RNF144A: variants seen among roughly 807,000 people sequenced by gnomAD.
The protein encoded by RNF144A is ring finger protein 144A.
A neutral mutation model predicts 38.7 loss-of-function variants in RNF144A; 11 were observed. The observed-to-expected ratio is 0.28, with a 90% CI of 0.18 to 0.47. The LOEUF (loss-of-function observed/expected upper bound fraction) is 0.47, where lower values mean the gene tolerates loss of function less well. Among genes scored for constraint, RNF144A ranks in the 20% least tolerant of loss-of-function variants. The probability of loss-of-function intolerance (pLI) is 0.99; values close to 1 mark genes in which losing one functional copy is unlikely to be tolerated. For synonymous variants in RNF144A, 149 were observed against 143.9 expected (o/e 1.04, Z -0.25); for missense variants, 316 against 377.2 (o/e 0.84, Z 1.34).
chr2:6,996,047 C>T (rs1669715705), intron 2 of RNF144A, among the ~76,000 whole-genome samples: 1 of 152,132 alleles, frequency 6.6e-6, no homozygotes, highest in African/African-American at 2.4e-5. Flanking sequence ...TCTGTGTGAC[C>T]ACAAAGCATA....
chr2:7,014,210 T>C (rs1479925793), intron 3 of RNF144A, among the ~76,000 whole-genome samples: 1 of 152,238 alleles, frequency 6.6e-6, no homozygotes, highest in African/African-American at 2.4e-5. Context: ...TGTGCCGGGA[T>C]CTAACCCATA....
intron 1 of RNF144A, among the ~76,000 whole-genome samples, chr2:6,935,000 T>G (rs1341180860): frequency 6.6e-6 from 1 of 152,252 alleles, no homozygotes; most frequent in Non-Finnish European, 1.5e-5. Flanking sequence ...GTGGATGCTG[T>G]CTGTGCTTCT....
At chr2:7,053,703 T>C (rs1319727260) in intron 6 of RNF144A, among the ~76,000 whole-genome samples, 1 of 152,246 alleles carries the variant, frequency 6.6e-6, no homozygotes, top group Non-Finnish European at 1.5e-5. Flanking sequence ...TTTGTGTATA[T>C]GTATACATTT....
At chr2:7,068,193 G>C (rs1869298) in intron 6 of RNF144A, 1 of 1,209,426 alleles carries the variant, frequency 8.3e-7, no homozygotes, top group South Asian at 1.3e-5. Context: ...ACAAGTATCA[G>C]TGAGTAAGGT....
chr2:6,982,702 C>T (rs906497629), intron 2 of RNF144A, among the ~76,000 whole-genome samples: 8 of 152,140 alleles, frequency 5.3e-5, no homozygotes, highest in Non-Finnish European at 8.8e-5. Flanking sequence ...AGCAATCAGA[C>T]GATTGAGAAA....
In RNF144A at chr2:7,041,403, A is replaced by G; in HGVS notation, c.*1643A>G. On this transcript the variant is annotated 3_prime_UTR_variant, in exon 9 of 9. Coordinates refer to ENST00000320892, the MANE Select transcript of RNF144A (RefSeq NM_014746.6). ...ACCTGTCATGTTGATTTTCCTTATG[A>G]ACCCGAAGCCATTTAGAAAATCCCT... The G allele has an allele frequency of 1.3e-5, 13 of 985,882 alleles. No homozygotes were observed. The highest frequency in any genetic ancestry group is 1.6e-5 in the Non-Finnish European group (13 of 829,942). The allele number at this position is 985,882 out of a possible 1,614,324, so 61.1% of individuals were successfully genotyped here.
chr2:7,068,790 A>G (rs1419765674), downstream of RNF144A, among the ~76,000 whole-genome samples: 1 of 152,194 alleles, frequency 6.6e-6, no homozygotes, highest in Non-Finnish European at 1.5e-5. Context: ...AAGCAAAGTC[A>G]CAGATAATGT....
downstream of RNF144A, among the ~76,000 whole-genome samples, chr2:7,046,394 G>A (rs1438884145): frequency 1.3e-5 from 2 of 152,242 alleles, no homozygotes; most frequent in African/African-American, 2.4e-5. Context: ...GCTATAGCCA[G>A]GGAAGGCTGG....
intron 7 of RNF144A, among the ~76,000 whole-genome samples, chr2:7,025,672 AAAAAAT>A (rs1671841260): frequency 6.6e-6 from 1 of 152,218 alleles, no homozygotes; most frequent in South Asian, 2.1e-4. Flanking sequence ...ACTCCATCTC[AAAAAAT>A]AAAAATAAAT....
chr2:7,069,400 C>T (rs1674369565), downstream of RNF144A, among the ~76,000 whole-genome samples: 1 of 152,224 alleles, frequency 6.6e-6, no homozygotes, highest in African/African-American at 2.4e-5. Context: ...TTCTGCCAGG[C>T]ATTATTTTTC....
At chr2:7,030,772 T>A (rs1672246429) in intron 8 of RNF144A, among the ~76,000 whole-genome samples, 1 of 152,090 alleles carries the variant, frequency 6.6e-6, no homozygotes, top group South Asian at 2.1e-4. Flanking sequence ...GCACTTTATG[T>A]CATGATTACA....
downstream of RNF144A, among the ~76,000 whole-genome samples, chr2:7,047,778 A>C (rs1274184873): frequency 6.6e-6 from 1 of 152,222 alleles, no homozygotes; most frequent in African/African-American, 2.4e-5. Flanking sequence ...CTTCTGAGCC[A>C]GGCATTTGCT....
Position 7,040,295 on chromosome 2 carries a change from A to G in RNF144A, c.*535A>G. 3.0e-6 allele frequency: 3 copies of G among 985,748 alleles called. No individual in the cohort carries two copies. Among genetic ancestry groups the G allele is most frequent in the East Asian group, 1.1e-4 (1 of 8,818 alleles). The allele number at this position is 985,748 out of a possible 1,614,324, so 61.1% of individuals were successfully genotyped here. ...TAGTGAAAATCAACAAGGTGCATAT[A>G]AACCATCCTATGCCTTTCTTGAAAT... On this transcript the variant is annotated 3_prime_UTR_variant, in exon 9 of 9. Transcript: ENST00000320892.
chr2:6,940,069 G>C (rs946795928), intron 1 of RNF144A, among the ~76,000 whole-genome samples: 1 of 152,064 alleles, frequency 6.6e-6, no homozygotes, highest in Admixed American at 6.6e-5. Context: ...TTTAGGATCA[G>C]CTTGTCAATT....
rs763561877 is a variant in RNF144A, at chr2:6,984,379, T to G, written c.-11-12537T>G. Among the ~76,000 whole-genome samples, 2 of 152,076 alleles carry G rather than the reference T, an allele frequency of 1.3e-5. 1 individual carries two copies. The highest frequency in any genetic ancestry group is 4.1e-4 in the South Asian group (2 of 4,828). On this transcript the variant is annotated intron_variant, in intron 2 of 8. Coordinates refer to ENST00000320892, the MANE Select transcript of RNF144A (RefSeq NM_014746.6). Reference sequence around the variant, plus strand: ...GTGCAGTGGTGCAATCTCAGCTCACTGCAACCTCCGCCTCCTGGGTTCAAG... The same window carrying G: ...GTGCAGTGGTGCAATCTCAGCTCACGGCAACCTCCGCCTCCTGGGTTCAAG...
intron 6 of RNF144A, 155 bp downstream of exon 6, chr2:7,020,835 A>C (rs1393674608): frequency 1.6e-6 from 1 of 639,610 alleles, no homozygotes; most frequent in Admixed American, 2.8e-5. Flanking sequence ...CAAGCCTGTC[A>C]TTATTTGTAT....
At position 6,984,275 on chromosome 2, in the gene RNF144A, A is replaced by G. The variant is rs139644745; in HGVS notation, c.-11-12641A>G. 5.6e-3 allele frequency among the ~76,000 whole-genome samples: 840 copies of G among 151,024 alleles called. 7 individuals are homozygous for G. The highest frequency in any genetic ancestry group is 0.019 in the African/African-American group (801 of 41,244). On this transcript the variant is annotated intron_variant, in intron 2 of 8. Coordinates refer to ENST00000320892, the MANE Select transcript of RNF144A (RefSeq NM_014746.6). ...TGTTCACATTTCCAGCAAGGAGAGC[A>G]CTGCCTGGAACCAAGTTTCTTTTTT...
intron 6 of RNF144A, among the ~76,000 whole-genome samples, chr2:7,059,424 T>C (rs1262913988): frequency 6.6e-6 from 1 of 152,200 alleles, no homozygotes; most frequent in South Asian, 2.1e-4. Flanking sequence ...TTTCAGTACG[T>C]CCTGTTCTGT....
At chr2:6,953,663 C>T (rs1028437350) in intron 2 of RNF144A, among the ~76,000 whole-genome samples, 1 of 151,942 alleles carries the variant, frequency 6.6e-6, no homozygotes, top group Admixed American at 6.6e-5. Flanking sequence ...TCTTTATGTC[C>T]CAGTATAATG....
Sources: gnomAD v4.1 joint callset for allele counts (sites outside exome capture counted in the v4.1 genomes callset) on GRCh38, gnomAD v4.1.1 for gene constraint, MANE v1.5 for transcripts, NCBI Gene and HGNC (gene_info 2026-07-23, HGNC 2026-07-21) for gene names.